DENND2D: variants seen among roughly 807,000 people sequenced by gnomAD.
DENND2D encodes DENN domain-containing protein 2D.
In DENND2D, 37 loss-of-function variants were observed where a neutral mutation model predicts 59.8. The ratio of observed to expected loss-of-function variants is 0.62; its 90% confidence interval spans 0.48 to 0.81. The LOEUF is 0.81. Ranked by LOEUF, DENND2D falls within the 40% of genes least tolerant of loss-of-function variation. The pLI, the probability that DENND2D is intolerant of heterozygous loss-of-function variation, is 0.00. For synonymous variants in DENND2D, 219 were observed against 211.3 expected, an observed-to-expected ratio of 1.04 and a Z score of -0.31; for missense variants, 525 against 579.7, an observed-to-expected ratio of 0.91 and a Z score of 0.97.
At chr1:111,192,762 C>A (rs768360029) in intron 7 of DENND2D, among the ~76,000 whole-genome samples, 15 of 151,812 alleles carry the variant, frequency 9.9e-5, no homozygotes, top group Non-Finnish European at 2.1e-4. Flanking sequence ...AGTTAAGAGA[C>A]AAACATGTAA....
upstream of DENND2D, chr1:111,204,458 C>A: frequency 8.4e-7 from 1 of 1,189,728 alleles, no homozygotes; most frequent in Non-Finnish European, 1.1e-6. Context: ...GGGGGGAGGC[C>A]TAGGGGACAG....
rs893497539 is a variant in DENND2D, at chr1:111,196,109, G to A, written c.505-53C>T. The A allele has an allele frequency of 1.9e-6, 3 of 1,543,218 alleles. No individual in the cohort carries two copies. In the African/African-American group the frequency reaches 4.1e-5, roughly 21 times the overall value. On this transcript the variant is annotated intron_variant, in intron 5 of 11. Transcript: ENST00000357640. ...CGGCTCAAAGGGACACTACCAGGCAGGTGGAAGAGACTCTACTTGCCCCTG... is the reference window on the plus strand; with the variant it reads ...CGGCTCAAAGGGACACTACCAGGCAAGTGGAAGAGACTCTACTTGCCCCTG...
At chr1:111,199,047 T>G (rs1293039590) in intron 2 of DENND2D, among the ~76,000 whole-genome samples, 1 of 152,212 alleles carries the variant, frequency 6.6e-6, no homozygotes, top group Non-Finnish European at 1.5e-5. Context: ...AGAAAGGCCC[T>G]GAAATGGCCC....
chr1:111,194,838 G>T, intron 6 of DENND2D, 112 bp from the exon 7 acceptor site: 1 of 1,226,708 alleles, frequency 8.2e-7, no homozygotes. Context: ...GAGTGAATCT[G>T]GCCCTGTCTC....
At chr1:111,193,818 C>A (rs1657980718) in intron 7 of DENND2D, among the ~76,000 whole-genome samples, 1 of 152,194 alleles carries the variant, frequency 6.6e-6, no homozygotes, top group Non-Finnish European at 1.5e-5. Context: ...AGATCTGAAG[C>A]CCCTAAAAGG....
At position 111,188,725 on chromosome 1, in the gene DENND2D, C is replaced by T; in HGVS notation, c.1076G>A (p.Gly359Asp). ...KLQDDILDSL[G>D]QGINELKTAE... ...ACTCTTTAACTCATTGATCCCCTGA[C>T]CAAGAGAGTCTAAGATGTCATCCTG... Residue 359 changes from glycine (G) to aspartate (D), a missense_variant, in exon 10 of 12, where the codon GGT becomes GAT. By Grantham distance (94) the Gly-to-Asp change is moderately conservative. Transcript: ENST00000357640. 1 of 1,614,034 alleles carries T rather than the reference C, an allele frequency of 6.2e-7. No individual in the cohort carries two copies. Among genetic ancestry groups the T allele is most frequent in the South Asian group, 1.1e-5 (1 of 91,072 alleles).
At chr1:111,192,755 TAA>T (rs941387314) in intron 7 of DENND2D, among the ~76,000 whole-genome samples, 2 of 152,136 alleles carry the variant, frequency 1.3e-5, no homozygotes, top group Non-Finnish European at 2.9e-5. Flanking sequence ...ACAGTGTAGT[TAA>T]GAGACAAACA....
At chr1:111,188,676 G>T in intron 10 of DENND2D, 26 bp downstream of exon 10, 1 of 1,592,010 alleles carries the variant, frequency 6.3e-7, no homozygotes, top group Non-Finnish European at 8.6e-7. Flanking sequence ...TGCCTGGAGA[G>T]ACCCAAAATA....
intron 11 of DENND2D, 63 bp from the exon 12 acceptor site, chr1:111,187,744 AG>A (rs1416734131): frequency 7.7e-7 from 1 of 1,300,952 alleles, no homozygotes; most frequent in Non-Finnish European, 1.1e-6. Flanking sequence ...TAATGAGCTC[AG>A]GAATAAGGAT....
intron 8 of DENND2D, among the ~76,000 whole-genome samples, chr1:111,190,764 A>G (rs1247801779): frequency 6.6e-6 from 1 of 152,182 alleles, no homozygotes; most frequent in East Asian, 1.9e-4. Flanking sequence ...ACAAGGAGAG[A>G]GTGGAAAGTA....
chr1:111,197,180 G>A lies in DENND2D; in HGVS notation c.500C>T (p.Ser167Phe). The stretch of plus-strand genomic sequence containing the variant: ...CCTGAGGAATCCTATCCCTACCTTG[G>A]AGAACAAGCCGAAGCAGCCGATGCA... ...ISCIGCFGLF[S>F]KILDEVEKRH... The change falls in exon 5 of 12, where the codon TCC becomes TTC. Residue 167 changes from serine (S) to phenylalanine (F), a missense_variant. Physicochemically the swap from Ser to Phe is radical, Grantham distance 155 (BLOSUM62 -2). This residue lies in a region of DENND2D where 253 missense variants were observed against 246.4 expected (regional missense o/e 1.03). Coordinates refer to ENST00000357640, the MANE Select transcript of DENND2D (RefSeq NM_024901.5). 6.2e-7 allele frequency: 1 copy of A among 1,613,058 alleles called. No individual in the cohort carries two copies. Among genetic ancestry groups the A allele is most frequent in the Non-Finnish European group, 8.5e-7 (1 of 1,179,726 alleles).
intron 8 of DENND2D, among the ~76,000 whole-genome samples, chr1:111,189,573 T>C (rs754024072): frequency 1.3e-5 from 2 of 152,246 alleles, no homozygotes; most frequent in Non-Finnish European, 2.9e-5. Flanking sequence ...AAATTGCTTC[T>C]ACATGGAGCA....
Position 111,186,592 on chromosome 1 carries a change from G to C in DENND2D, c.*1013C>G, listed in dbSNP as rs750839236. Among the ~76,000 whole-genome samples the C allele has an allele frequency of 1.3e-5, 2 of 152,164 alleles. No homozygotes were observed. The highest frequency in any genetic ancestry group is 2.9e-5 in the Non-Finnish European group (2 of 68,020). Reference sequence around the variant, plus strand: ...TGCTTGAGTAGAAAGTATCAGTAGAGGTATCAAGGGAGGAGAGACTAGGTG... The same window carrying C: ...TGCTTGAGTAGAAAGTATCAGTAGACGTATCAAGGGAGGAGAGACTAGGTG... On this transcript the variant is annotated 3_prime_UTR_variant, in exon 12 of 12. Coordinates refer to ENST00000357640, the MANE Select transcript of DENND2D (RefSeq NM_024901.5).
rs975965830 is a variant in DENND2D, at chr1:111,197,188, G to C, written c.492C>G (p.Gly164=). Residue 164 remains glycine (G), a synonymous_variant, in exon 5 of 12, where the codon GGC becomes GGG. Coordinates refer to ENST00000357640, the MANE Select transcript of DENND2D (RefSeq NM_024901.5). ...YCIISCIGCF[G]LFSKILDEVE... is the part of the protein sequence containing the mutation. ...ATCCTATCCCTACCTTGGAGAACAA[G>C]CCGAAGCAGCCGATGCAGCTGATGA... 3.1e-6 allele frequency: 5 copies of C among 1,613,412 alleles called. No homozygotes were observed. In the African/African-American group the frequency reaches 6.7e-5, roughly 22 times the overall value.
Position 111,192,232 on chromosome 1 carries a change from T to G in DENND2D, c.880A>C (p.Ser294Arg), listed in dbSNP as rs1180549238. Reference protein sequence around the residue: ...AHTYIPVVPESLLATVCCPTP... With the variant: ...AHTYIPVVPERLLATVCCPTP... ...GGGCAGCAGACGGTGGCCAGAAGGC[T>G]CTCAGGGACAACAGGGATGTAGGTG... Residue 294 changes from serine to arginine, a missense_variant, in exon 8 of 12, where the codon AGC (serine) becomes CGC (arginine). Physicochemically the swap from Ser to Arg is moderately radical, Grantham distance 110. Coordinates refer to ENST00000357640, the MANE Select transcript of DENND2D (RefSeq NM_024901.5). 6.2e-7 allele frequency: 1 copy of G among 1,613,896 alleles called. No individual in the cohort carries two copies. Among genetic ancestry groups the G allele is most frequent in the South Asian group, 1.1e-5 (1 of 91,038 alleles).
Position 111,195,977 on chromosome 1 carries a change from G to T in DENND2D, c.584C>A (p.Ala195Asp). The T allele has an allele frequency of 6.2e-7, 1 of 1,614,064 alleles. No homozygotes were observed. The highest frequency in any genetic ancestry group is 8.5e-7 in the Non-Finnish European group (1 of 1,180,012). ...GACAGTCTTCCCAGGAGCAGGGAAGGCTGCCTCTCGGAGGCCCTGCATGAA... is the reference window on the plus strand; with the variant it reads ...GACAGTCTTCCCAGGAGCAGGGAAGTCTGCCTCTCGGAGGCCCTGCATGAA... ...YPFMQGLREA[A>D]FPAPGKTVTL... Residue 195 changes from alanine (A) to aspartate (D), a missense_variant, in exon 6 of 12, where the codon GCC becomes GAC. Transcript: ENST00000357640.
rs3215959 is a variant in DENND2D, at chr1:111,186,300, C to CAA, written c.*1303_*1304dup. Among the ~76,000 whole-genome samples, 1,218 of 151,116 alleles carry CAA rather than the reference C, an allele frequency of 8.1e-3. 12 individuals are homozygous for CAA. Among genetic ancestry groups the CAA allele is most frequent in the African/African-American group, 0.023 (963 of 41,214 alleles). Reference sequence around the variant, plus strand: ...TTTAGGCACCACTGCCATAAACTACCAAAAAAAAATGTAATTCCTAGAAGC... The same window carrying CAA: ...TTTAGGCACCACTGCCATAAACTACCAAAAAAAAAAATGTAATTCCTAGAAGC... On this transcript the variant is annotated 3_prime_UTR_variant, in exon 12 of 12. Transcript: ENST00000357640.
At chr1:111,200,794 A>G (rs557219856), upstream of DENND2D, 2 of 1,029,756 alleles carry the variant, frequency 1.9e-6, no homozygotes, top group East Asian at 5.8e-5. Flanking sequence ...GTAGCCGGAA[A>G]GGCCTGGCTA....
Position 111,194,899 on chromosome 1 carries a change from A to G in DENND2D, c.646-173T>C, listed in dbSNP as rs184155972. 8.5e-5 allele frequency among the ~76,000 whole-genome samples: 13 copies of G among 152,096 alleles called. No individual in the cohort carries two copies. The South Asian group carries it at 1.7e-3, about 20-fold the overall frequency. The stretch of plus-strand genomic sequence containing the variant: ...GGACAGCACTGATGTGATCTTGAGT[A>G]TGGCCCATAATGTCCTGCACCCTCC... On this transcript the variant is annotated intron_variant, in intron 6 of 11. Transcript: ENST00000357640.
Sources: gnomAD v4.1 joint callset for allele counts (sites outside exome capture counted in the v4.1 genomes callset) on GRCh38, gnomAD v4.1.1 for gene constraint, gnomAD v4.1.1 regional missense constraint, MANE v1.5 for transcripts, NCBI Gene and HGNC (gene_info 2026-07-23, HGNC 2026-07-21) for gene names.